The following LPP variants were observed in gnomAD, a reference collection of about 807,000 sequenced individuals.
LPP encodes the protein lipoma-preferred partner.
LPP carries 38 observed loss-of-function variants against 60.4 expected under a neutral mutation model. The observed-to-expected ratio is 0.63, with a 90% CI of 0.49 to 0.83. The LOEUF (loss-of-function observed/expected upper bound fraction) is 0.83, where lower values mean the gene tolerates loss of function less well. Ranked by LOEUF, LPP falls within the 40% of genes least tolerant of loss-of-function variation. The probability of loss-of-function intolerance (pLI) is 0.00; values close to 1 mark genes in which losing one functional copy is unlikely to be tolerated. For missense variants in LPP, 902 were observed against 783.6 expected (o/e 1.15, Z -1.80); for synonymous variants, 328 against 290.8 (o/e 1.13, Z -1.30).
At chr3:188,193,325 T>C (rs771239588) in intron 1 of LPP, among the ~76,000 whole-genome samples, 1 of 152,176 alleles carries the variant, frequency 6.6e-6, no homozygotes, top group African/African-American at 2.4e-5. Context: ...GACTGTGAGC[T>C]AGATTGCCTA....
chr3:188,277,316 A>C (rs1323522360), intron 2 of LPP, among the ~76,000 whole-genome samples: 2 of 152,216 alleles, frequency 1.3e-5, no homozygotes, highest in East Asian at 3.9e-4. Context: ...TCTGCTGAAG[A>C]AATGGACGTG....
intron 9 of LPP, among the ~76,000 whole-genome samples, chr3:188,776,350 C>T (rs1489426032): frequency 6.6e-6 from 1 of 152,072 alleles, no homozygotes; most frequent in Non-Finnish European, 1.5e-5. Flanking sequence ...TCCAATATCT[C>T]AACATTTTTT....
intron 4 of LPP, among the ~76,000 whole-genome samples, chr3:188,467,491 C>T (rs1800773552): frequency 6.6e-6 from 1 of 152,006 alleles, no homozygotes; most frequent in South Asian, 2.1e-4. Flanking sequence ...AATAATAGCC[C>T]TCAAAGTTGT....
chr3:188,745,994 A>G (rs903634696), intron 8 of LPP, among the ~76,000 whole-genome samples: 1 of 152,138 alleles, frequency 6.6e-6, no homozygotes, highest in Non-Finnish European at 1.5e-5. Flanking sequence ...ACTAGCCTGC[A>G]TGTTCCCCTT....
At chr3:188,194,068 G>GA (rs1359579639) in intron 1 of LPP, among the ~76,000 whole-genome samples, 3 of 152,152 alleles carry the variant, frequency 2.0e-5, no homozygotes, top group African/African-American at 7.2e-5. Flanking sequence ...TTTCTTCCCT[G>GA]AAAAAATCAG....
chr3:188,407,501 C>T (rs1179069854), intron 4 of LPP, among the ~76,000 whole-genome samples: 1 of 152,182 alleles, frequency 6.6e-6, no homozygotes, highest in Non-Finnish European at 1.5e-5. Flanking sequence ...TCCTTTTCCT[C>T]AGAAAGTACA....
intron 3 of LPP, among the ~76,000 whole-genome samples, chr3:188,379,404 TTTAA>T (rs1333380845): frequency 7.2e-5 from 11 of 152,168 alleles, no homozygotes; most frequent in African/African-American, 2.7e-4. Context: ...TGAGACATAA[TTTAA>T]TTAATTAACT....
chr3:188,547,733 T>A (rs781155081), intron 6 of LPP, among the ~76,000 whole-genome samples: 3 of 152,204 alleles, frequency 2.0e-5, no homozygotes, highest in Non-Finnish European at 2.9e-5. Context: ...CGTGTCTTCT[T>A]TTGCAAAATC....
chr3:188,551,200 C>T (rs966254578), intron 6 of LPP, among the ~76,000 whole-genome samples: 6 of 151,958 alleles, frequency 3.9e-5, no homozygotes, highest in South Asian at 4.2e-4. Context: ...TGGCGGGAGG[C>T]GAAAGGCACT....
intron 5 of LPP, among the ~76,000 whole-genome samples, chr3:188,498,490 T>C (rs1215467780): frequency 6.6e-6 from 1 of 152,202 alleles, no homozygotes; most frequent in Non-Finnish European, 1.5e-5. Context: ...CATAATGTCC[T>C]CAAAGTTTAT....
chr3:188,512,107 G>A (rs566888680), intron 5 of LPP, among the ~76,000 whole-genome samples: 4 of 152,292 alleles, frequency 2.6e-5, no homozygotes, highest in South Asian at 2.1e-4. Context: ...GAATAGCGAC[G>A]TAAATTCCCC....
intron 9 of LPP, among the ~76,000 whole-genome samples, chr3:188,779,782 TCATTGGTC>T (rs1739047377): frequency 1.3e-5 from 2 of 152,116 alleles, no homozygotes; most frequent in African/African-American, 2.4e-5. Context: ...CAACATGTTT[TCATTGGTC>T]CATAGAGAAG....
intron 1 of LPP, among the ~76,000 whole-genome samples, chr3:188,157,368 G>T (rs62289745): frequency 0.083 from 12,599 of 152,026 alleles, 591 homozygotes; most frequent in Non-Finnish European, 0.099. Flanking sequence ...CCCTGCTGTT[G>T]AGCCAGTCTG....
At chr3:188,669,269 C>T (rs1856440953) in intron 7 of LPP, among the ~76,000 whole-genome samples, 1 of 152,092 alleles carries the variant, frequency 6.6e-6, no homozygotes, top group Non-Finnish European at 1.5e-5. Context: ...TAACATCTCA[C>T]ACCAGTTAGA....
intron 7 of LPP, among the ~76,000 whole-genome samples, chr3:188,642,483 G>A (rs1214474824): frequency 6.6e-6 from 1 of 152,212 alleles, no homozygotes; most frequent in Admixed American, 6.5e-5. Context: ...ACAGTATTTG[G>A]TGAAGTCTCC....
At chr3:188,731,537 T>TTTTGTTTTGTTTTGTTTTG (rs1240778113) in intron 8 of LPP, among the ~76,000 whole-genome samples, 2 of 151,970 alleles carry the variant, frequency 1.3e-5, no homozygotes, top group African/African-American at 4.8e-5. Flanking sequence ...TTTTGTTTTG[T>TTTTGTTTTGTTTTGTTTTG]TTTGAGATGG....
intron 4 of LPP, among the ~76,000 whole-genome samples, chr3:188,433,676 G>A (rs2149181882): frequency 6.7e-6 from 1 of 148,774 alleles, no homozygotes; most frequent in African/African-American, 2.5e-5. Context: ...GGAGAAAGAG[G>A]AGAAAATAGG....
chr3:188,318,906 G>C (rs13088010), intron 2 of LPP, among the ~76,000 whole-genome samples: 21,127 of 149,878 alleles, frequency 0.14, 1,764 homozygotes, highest in East Asian at 0.35. Context: ...CTACAGGCGC[G>C]CGCCACTACG....
At chr3:188,216,956 A>G (rs2149254819) in intron 1 of LPP, among the ~76,000 whole-genome samples, 1 of 152,336 alleles carries the variant, frequency 6.6e-6, no homozygotes, top group South Asian at 2.1e-4. Flanking sequence ...TAATTTTATT[A>G]AATCTTTATT....
Sources: gnomAD v4.1 joint callset for allele counts (sites outside exome capture counted in the v4.1 genomes callset) on GRCh38, gnomAD v4.1.1 for gene constraint, MANE v1.5 for transcripts, NCBI Gene and HGNC (gene_info 2026-07-23, HGNC 2026-07-21) for gene names.